Variants in VAV2 observed in about 807,000 individuals in gnomAD.
VAV2 encodes vav guanine nucleotide exchange factor 2, also known as guanine nucleotide exchange factor VAV2.
A neutral mutation model predicts 132.5 loss-of-function variants in VAV2; 67 were observed. The observed-to-expected ratio is 0.51, with a 90% CI of 0.42 to 0.62. The LOEUF (loss-of-function observed/expected upper bound fraction) is 0.62. VAV2 is among the 20% of genes least tolerant of loss of function. VAV2 has a pLI of 0.00. For synonymous variants in VAV2, 492 were observed against 443.5 expected (o/e 1.11, Z -1.37); for missense variants, 938 against 1,153.6 (o/e 0.81, Z 2.71).
intron 1 of VAV2, among the ~76,000 whole-genome samples, chr9:133,960,486 A>G (rs570894765): frequency 1.9e-4 from 29 of 152,278 alleles, no homozygotes; most frequent in Non-Finnish European, 3.2e-4. Context: ...CATGCATGGG[A>G]GGAGTCATGA....
chr9:133,952,326 G>C (rs1633764), intron 1 of VAV2, among the ~76,000 whole-genome samples: 58,405 of 151,932 alleles, frequency 0.38, 11,488 homozygotes, highest in Non-Finnish European at 0.42. Context: ...TCTCAAGGCC[G>C]GGTGCGGTGG....
chr9:133,812,016 C>T, intron 5 of VAV2, 98 bp downstream of exon 5: 1 of 1,293,640 alleles, frequency 7.7e-7, no homozygotes, highest in Non-Finnish European at 1.1e-6. Flanking sequence ...CCTTCGGTGG[C>T]TCAGACATGG....
chr9:133,782,893 T>C (rs556944387), intron 19 of VAV2, among the ~76,000 whole-genome samples: 2 of 152,188 alleles, frequency 1.3e-5, no homozygotes, highest in African/African-American at 4.8e-5. Flanking sequence ...ACCCCAAAGG[T>C]ATGCCCCCGA....
chr9:133,867,187 T>TC (rs1837840611), intron 2 of VAV2, among the ~76,000 whole-genome samples: 1 of 144,518 alleles, frequency 6.9e-6, no homozygotes, highest in African/African-American at 2.5e-5. Context: ...TCTGTCCACA[T>TC]AGGGTCCTCA....
At chr9:133,777,544 G>A (rs775336419) in intron 22 of VAV2, 81 bp from the exon 23 acceptor site, 45 of 1,360,038 alleles carry the variant, frequency 3.3e-5, no homozygotes, top group Non-Finnish European at 4.0e-5. Flanking sequence ...CGGACTCAGC[G>A]TATGCCAATC....
At position 133,840,102 on chromosome 9, in the gene VAV2, G is replaced by T. The variant is rs1836659607; in HGVS notation, c.381-5762C>A. On this transcript the variant is annotated intron_variant, in intron 3 of 29. Coordinates refer to ENST00000371850, the MANE Select transcript of VAV2 (RefSeq NM_001134398.2). The surrounding 1 kb of genome is among the most constrained non-coding windows in gnomAD (Gnocchi z 4.5). ...CGTTGCCTTGCTCGTTAAGAGCAGG[G>T]AATGAGAAGCAGAGAAGGCCAACCA... Among the ~76,000 whole-genome samples the T allele has an allele frequency of 6.6e-6, 1 of 152,212 alleles. No homozygotes were observed. Among genetic ancestry groups the T allele is most frequent in the African/African-American group, 2.4e-5 (1 of 41,452 alleles).
chr9:133,775,109 G>T, intron 24 of VAV2, 58 bp from the exon 25 acceptor site: 1 of 1,443,162 alleles, frequency 6.9e-7, no homozygotes, highest in Non-Finnish European at 9.5e-7. Context: ...TCTGAGGGGT[G>T]CCCAGCCCTC....
In VAV2 at chr9:133,791,715, C is replaced by T. The variant is rs949449348; in HGVS notation, c.1188+68G>A. 24 of 1,377,354 alleles carry T rather than the reference C, an allele frequency of 1.7e-5. No homozygotes were observed. The South Asian group carries it at 2.0e-4, about 11-fold the overall frequency. 85.3% of individuals were successfully genotyped at this position (1,377,354 alleles called of 1,614,324 possible). On this transcript the variant is annotated intron_variant, in intron 13 of 29. Coordinates refer to ENST00000371850, the MANE Select transcript of VAV2 (RefSeq NM_001134398.2). ...CCATGGAGCTCACTCAATACTGGGGCTGTGAACGTGACTTTATAGGTACGT... is the reference window on the plus strand; with the variant it reads ...CCATGGAGCTCACTCAATACTGGGGTTGTGAACGTGACTTTATAGGTACGT...
At position 133,909,556 on chromosome 9, in the gene VAV2, G is replaced by T. The variant is rs151193351; in HGVS notation, c.321+29547C>A. On this transcript the variant is annotated intron_variant, in intron 2 of 29. Transcript: ENST00000371850. ...TAGCACAAATCTGTGCCCACTGCAG[G>T]TTCGCGAGGATGGAAGGCTGTGCCA... Among the ~76,000 whole-genome samples the T allele has an allele frequency of 2.1e-3, 315 of 152,258 alleles. 1 individual carries two copies. The highest frequency in any genetic ancestry group is 0.01 in the Middle Eastern group (3 of 294).
chr9:133,910,639 A>T (rs1225052778), intron 2 of VAV2, among the ~76,000 whole-genome samples: 4 of 92,848 alleles, frequency 4.3e-5, no homozygotes, highest in Admixed American at 3.8e-4. Flanking sequence ...TGAAACCCCG[A>T]CTCTACTAAA....
rs1564342140 is a variant in VAV2 at position 133,783,876 on chromosome 9, C to CTTTTTTT, written c.1635-286_1635-285insAAAAAAA. On this transcript the variant is annotated intron_variant, in intron 18 of 29. Transcript: ENST00000371850. Reference sequence around the variant, plus strand: ...TGAAACTCTAAGGGCTTGGCTGGGCCGTTTTTTTTTTTTTTTTTTTTGGAG... The same window carrying CTTTTTTT: ...TGAAACTCTAAGGGCTTGGCTGGGCCTTTTTTTGTTTTTTTTTTTTTTTTTTTTGGAG... 6.4e-5 allele frequency among the ~76,000 whole-genome samples: 8 copies of CTTTTTTT among 124,974 alleles called. 2 individuals carry two copies. Among genetic ancestry groups the CTTTTTTT allele is most frequent in the Non-Finnish European group, 6.5e-5 (4 of 61,608 alleles). The allele number at this position is 124,974 out of a possible 152,430, so 82.0% of individuals were successfully genotyped here.
chr9:133,800,336 A>G (rs1834881820), intron 9 of VAV2, among the ~76,000 whole-genome samples: 3 of 152,208 alleles, frequency 2.0e-5, no homozygotes, highest in Admixed American at 1.3e-4. Flanking sequence ...CAGGTGGTGA[A>G]CCTCAAGGCT....
chr9:133,947,699 CAA>C (rs75534755), intron 1 of VAV2, among the ~76,000 whole-genome samples: 10 of 134,246 alleles, frequency 7.4e-5, no homozygotes, highest in Non-Finnish European at 9.7e-5. Context: ...AACTCCGTCT[CAA>C]AAAAAAAAAA....
chr9:133,860,722 C>A (rs990224959), intron 3 of VAV2, among the ~76,000 whole-genome samples: 1 of 152,170 alleles, frequency 6.6e-6, no homozygotes, highest in Admixed American at 6.5e-5. Context: ...CACGTCCCCA[C>A]CCAATCAGGA....
chr9:133,832,337 AG>A (rs34103374), intron 4 of VAV2, among the ~76,000 whole-genome samples: 1 of 152,152 alleles, frequency 6.6e-6, no homozygotes, highest in African/African-American at 2.4e-5. Flanking sequence ...GGAAGGGTAC[AG>A]GGGGGTATGT....
At chr9:133,964,022 CATATATATATATATATATAT>C (rs10541639) in intron 1 of VAV2, among the ~76,000 whole-genome samples, 2 of 93,870 alleles carry the variant, frequency 2.1e-5, no homozygotes, top group African/African-American at 8.0e-5. Context: ...ATTATTCATT[CATATATATATATATATATAT>C]ATATATACAT....
chr9:133,771,938 C>T (rs747020960), intron 26 of VAV2, 21 bp downstream of exon 26: 1 of 1,609,134 alleles, frequency 6.2e-7, no homozygotes, highest in South Asian at 1.1e-5. Flanking sequence ...TGGGAGCCGG[C>T]CGGAGCCAGA....
chr9:133,939,134 AAG>A lies in VAV2; in HGVS notation c.288_289del (p.Phe97Ter). 1 of 1,614,268 alleles carries A rather than the reference AAG, an allele frequency of 6.2e-7. No homozygotes were observed. Among genetic ancestry groups the A allele is most frequent in the Non-Finnish European group, 8.5e-7 (1 of 1,180,048 alleles). On this transcript the variant is annotated frameshift_variant, in exon 2 of 30. Coordinates refer to ENST00000371850, the MANE Select transcript of VAV2 (RefSeq NM_001134398.2). LOFTEE classifies it high-confidence loss of function. Reference sequence around the variant, plus strand: ...AAAGTCTCGCACATCGAAGAGGTCAAAGGGGTCAAACAGCTCGCTGTTCCTTA... The same window carrying A: ...AAAGTCTCGCACATCGAAGAGGTCAAGGGTCAAACAGCTCGCTGTTCCTTA...
intron 2 of VAV2, among the ~76,000 whole-genome samples, chr9:133,891,208 C>T (rs1408991344): frequency 6.8e-6 from 1 of 148,108 alleles, no homozygotes; most frequent in African/African-American, 2.5e-5. Context: ...CTCAGGAACA[C>T]AGTCTCCAGC....
Sources: allele counts gnomAD v4.1 joint callset (sites outside exome capture counted in the v4.1 genomes callset), GRCh38; gene constraint gnomAD v4.1.1; non-coding constraint Gnocchi (gnomAD v3.1); transcripts MANE v1.5; gene names NCBI Gene and HGNC (gene_info 2026-07-23, HGNC 2026-07-21).